STS: variants seen among roughly 807,000 people sequenced by gnomAD.
STS encodes the protein steryl-sulfatase.
STS carries 7 observed loss-of-function variants against 26.8 expected under a neutral mutation model. The ratio of observed to expected loss-of-function variants is 0.26; its 90% CI spans 0.15 to 0.49. The LOEUF is 0.49. Among genes scored for constraint, STS ranks in the 20% least tolerant of loss-of-function variants. STS has a pLI of 0.98. For synonymous variants in STS, 199 were observed against 189.4 expected, an observed-to-expected ratio of 1.05 and a Z score of -0.42; for missense variants, 434 against 465.6, an observed-to-expected ratio of 0.93 and a Z score of 0.63.
intron 2 of STS, among the ~76,000 whole-genome samples, chrX:7,197,146 C>T (rs1933984952): frequency 8.9e-6 from 1 of 111,993 alleles, no homozygotes; most frequent in Non-Finnish European, 1.9e-5. Flanking sequence ...TTCCAGTAGG[C>T]TTCCTTCCTC....
At chrX:7,205,265 G>A (rs1236921849) in intron 2 of STS, among the ~76,000 whole-genome samples, 6 of 112,416 alleles carry the variant, frequency 5.3e-5, no homozygotes, top group East Asian at 5.6e-4. Context: ...TCATAGTGAG[G>A]AAGAGAAAGA....
At chrX:7,274,624 G>A (rs1238690175) in intron 6 of STS, among the ~76,000 whole-genome samples, 3 of 111,600 alleles carry the variant, frequency 2.7e-5, no homozygotes, top group South Asian at 7.5e-4. Flanking sequence ...TAGCAACATC[G>A]CTCACAGCCC....
At chrX:7,236,587 A>C (rs747167745) in intron 2 of STS, among the ~76,000 whole-genome samples, 25 of 112,088 alleles carry the variant, frequency 2.2e-4, no homozygotes, top group African/African-American at 8.1e-4. Context: ...TTAATTAATA[A>C]ATGCAAACAA....
chrX:7,343,718 C>T (rs1231210221), intron 10 of STS, among the ~76,000 whole-genome samples: 2 of 111,911 alleles, frequency 1.8e-5, no homozygotes, highest in African/African-American at 6.5e-5. Context: ...TGCCCTCTAG[C>T]TAGTGCGTTC....
At chrX:7,230,690 G>A (rs1474641439) in intron 2 of STS, among the ~76,000 whole-genome samples, 1 of 111,211 alleles carries the variant, frequency 9.0e-6, no homozygotes, top group Non-Finnish European at 1.9e-5. Flanking sequence ...AGTGAAGGAG[G>A]AAGAGCCCCT....
At chrX:7,315,379 T>C (rs1414674912) in intron 8 of STS, among the ~76,000 whole-genome samples, 6 of 112,037 alleles carry the variant, frequency 5.4e-5, no homozygotes, top group Non-Finnish European at 9.4e-5. Flanking sequence ...AGAGGCTTGT[T>C]ATCTAGGCTT....
In STS at chrX:7,353,890, G is replaced by A. The variant is rs1928900834; in HGVS notation, c.*3629G>A. On this transcript the variant is annotated 3_prime_UTR_variant, in exon 11 of 11. Transcript: ENST00000674429. The stretch of plus-strand genomic sequence containing the variant: ...CTCTTTAATGCCTAGAGAATGGGAT[G>A]TGTGATGCAAATGCTCAAAACCTCT... 9.0e-6 allele frequency: 1 copy of A among 111,661 alleles called. No individual in the cohort carries two copies. Among genetic ancestry groups the A allele is most frequent in the Non-Finnish European group, 1.9e-5 (1 of 53,139 alleles). The allele number at this position is 111,661 out of a possible 1,213,427, so 9.2% of individuals were successfully genotyped here.
intron 2 of STS, among the ~76,000 whole-genome samples, chrX:7,218,027 T>A (rs1921382027): frequency 9.0e-6 from 1 of 111,233 alleles, no homozygotes; most frequent in Non-Finnish European, 1.9e-5. Context: ...CACTCTCAGA[T>A]CATGGAGGTT....
intron 1 of STS, among the ~76,000 whole-genome samples, chrX:7,158,156 C>T (rs768710891): frequency 3.6e-5 from 4 of 111,630 alleles, no homozygotes; most frequent in Non-Finnish European, 7.5e-5. Context: ...CAGCGACACT[C>T]CTCAGAGAGG....
intron 2 of STS, among the ~76,000 whole-genome samples, chrX:7,217,775 A>G (rs1921370560): frequency 9.0e-6 from 1 of 111,630 alleles, no homozygotes; most frequent in Non-Finnish European, 1.9e-5. Flanking sequence ...CCCAGGGCCC[A>G]GTAAGACTTT....
At chrX:7,214,981 C>CGTATATATGT (rs1569191514) in intron 2 of STS, among the ~76,000 whole-genome samples, 1 of 37,713 alleles carries the variant, frequency 2.7e-5, no homozygotes, top group South Asian at 8.7e-4. Context: ...TGTATATATA[C>CGTATATATGT]ATATATATAC....
chrX:7,193,502 G>A (rs1234742659), intron 2 of STS, among the ~76,000 whole-genome samples: 4 of 107,105 alleles, frequency 3.7e-5, no homozygotes, highest in Admixed American at 1.0e-4. Context: ...ACATTCCCTA[G>A]ATCCAGCTAG....
chrX:7,186,770 G>A (rs777806553), intron 1 of STS, among the ~76,000 whole-genome samples: 5 of 112,026 alleles, frequency 4.5e-5, no homozygotes, highest in Non-Finnish European at 9.4e-5. Flanking sequence ...AAATATTTCC[G>A]GGAATAAACT....
At chrX:7,218,496 C>T (rs1921404131) in intron 2 of STS, among the ~76,000 whole-genome samples, 1 of 112,313 alleles carries the variant, frequency 8.9e-6, no homozygotes, top group Non-Finnish European at 1.9e-5. Flanking sequence ...CGTCACTAAT[C>T]TATGTGCTTA....
rs869308860 is a variant in STS, at chrX:7,164,703, T to TA, written c.-134+16630dup. On this transcript the variant is annotated intron_variant, in intron 1 of 10. Transcript: ENST00000674429. Reference sequence around the variant, plus strand: ...TCATTGTTGAAAGGCTAAATTCCATTAAAAAAAAAAGAAAACAAAAGTACA... The same window carrying TA: ...TCATTGTTGAAAGGCTAAATTCCATTAAAAAAAAAAAGAAAACAAAAGTACA... Among the ~76,000 whole-genome samples, 401 of 104,134 alleles carry TA rather than the reference T, an allele frequency of 3.9e-3. 1 individual carries two copies. Among genetic ancestry groups the TA allele is most frequent in the African/African-American group, 0.011 (322 of 28,708 alleles). 90.4% of individuals were successfully genotyped at this position (104,134 alleles called of 115,157 possible).
intron 2 of STS, among the ~76,000 whole-genome samples, chrX:7,216,079 C>A (rs1367956914): frequency 8.9e-5 from 10 of 111,889 alleles, no homozygotes; most frequent in Non-Finnish European, 1.7e-4. Context: ...GAATGTGTTG[C>A]TCCTCCAAGC....
chrX:7,162,764 T>C (rs1282317792), intron 1 of STS, among the ~76,000 whole-genome samples: 2 of 106,221 alleles, frequency 1.9e-5, no homozygotes, highest in East Asian at 3.0e-4. Context: ...TGTGTAAGAC[T>C]GGCCGGGCGC....
At chrX:7,171,976 T>C (rs1933476594) in intron 1 of STS, among the ~76,000 whole-genome samples, 1 of 112,378 alleles carries the variant, frequency 8.9e-6, no homozygotes, top group South Asian at 3.7e-4. Context: ...TCAATGGTTT[T>C]TATTAAATTA....
intron 1 of STS, among the ~76,000 whole-genome samples, chrX:7,162,670 A>G (rs1349919301): frequency 2.7e-5 from 3 of 109,687 alleles, no homozygotes; most frequent in Non-Finnish European, 5.7e-5. Flanking sequence ...AACCCACAAT[A>G]TCTCCAGATG....
Sources: gnomAD v4.1 joint callset for allele counts (sites outside exome capture counted in the v4.1 genomes callset) on GRCh38, gnomAD v4.1.1 for gene constraint, MANE v1.5 for transcripts, NCBI Gene and HGNC (gene_info 2026-07-23, HGNC 2026-07-21) for gene names.